PDK3: variants seen among roughly 807,000 people sequenced by gnomAD.
PDK3 encodes pyruvate dehydrogenase kinase 3.
Under a neutral mutation model 32.0 loss-of-function variants are expected in PDK3, and 12 were observed. The ratio of observed to expected loss-of-function variants is 0.37; its 90% CI spans 0.24 to 0.61. PDK3 has a LOEUF of 0.61. Among genes scored for constraint, PDK3 ranks in the 20% least tolerant of loss-of-function variants. PDK3 has a pLI of 0.65. For synonymous variants in PDK3, 122 were observed against 116.3 expected, an observed-to-expected ratio of 1.05 and a Z score of -0.31; for missense variants, 188 against 316.9, an observed-to-expected ratio of 0.59 and a Z score of 3.09.
chrX:24,516,461 A>G (rs995671072), intron 5 of PDK3, among the ~76,000 whole-genome samples: 1 of 112,162 alleles, frequency 8.9e-6, no homozygotes, highest in East Asian at 2.8e-4. Flanking sequence ...CAGCTGATGA[A>G]CGGATAAAGA....
chrX:24,482,677 G>T (rs184821781), intron 1 of PDK3, among the ~76,000 whole-genome samples: 2 of 112,175 alleles, frequency 1.8e-5, no homozygotes, highest in Admixed American at 1.9e-4. Context: ...AGAACTATCA[G>T]ATTGATACCT....
intron 1 of PDK3, among the ~76,000 whole-genome samples, chrX:24,468,078 G>A (rs952861018): frequency 8.9e-6 from 1 of 111,912 alleles, no homozygotes. Context: ...AGAGTAACTA[G>A]ACAGGGACCA....
At chrX:24,526,657 T>A (rs1284453346) in intron 7 of PDK3, among the ~76,000 whole-genome samples, 1 of 112,240 alleles carries the variant, frequency 8.9e-6, no homozygotes, top group African/African-American at 3.2e-5. Flanking sequence ...TTCTGAAAAT[T>A]AACCACACTG....
At chrX:24,535,418 T>C (rs1486454082), downstream of PDK3, among the ~76,000 whole-genome samples, 3 of 106,954 alleles carry the variant, frequency 2.8e-5, no homozygotes, top group African/African-American at 1.0e-4. Context: ...AGCAGGAGAA[T>C]TGCTTGAACC....
intron 1 of PDK3, among the ~76,000 whole-genome samples, chrX:24,493,906 G>T (rs911375363): frequency 2.3e-4 from 26 of 112,049 alleles, no homozygotes; most frequent in Non-Finnish European, 4.7e-4. Flanking sequence ...AGGGCTGGGG[G>T]TTGCAGGCCA....
chrX:24,478,414 C>G lies in PDK3; in HGVS notation c.106+12853C>G, dbSNP rs928178584. 3.6e-5 allele frequency among the ~76,000 whole-genome samples: 4 copies of G among 112,022 alleles called. No homozygotes were observed. The Admixed American group carries it at 3.8e-4, about 11-fold the overall frequency. ...GGTGGAGGTTGCAGTGAGCCGAGAT[C>G]GTGCCACTGCACTCCAGCCTGGGTG... On this transcript the variant is annotated intron_variant, in intron 1 of 10. Coordinates refer to ENST00000379162, the MANE Select transcript of PDK3 (RefSeq NM_005391.5).
chrX:24,514,270 T>A, intron 5 of PDK3, among the ~76,000 whole-genome samples: 1 of 112,308 alleles, frequency 8.9e-6, no homozygotes, highest in Non-Finnish European at 1.9e-5. Context: ...AATTTTAGTC[T>A]AATGCATTTA....
At chrX:24,519,252 G>A (rs1244273351) in intron 6 of PDK3, among the ~76,000 whole-genome samples, 1 of 109,934 alleles carries the variant, frequency 9.1e-6, no homozygotes, top group African/African-American at 3.3e-5. Context: ...AGAGTATGTA[G>A]AAAGGTATAA....
At chrX:24,517,317 G>A (rs954116993) in intron 5 of PDK3, among the ~76,000 whole-genome samples, 1 of 110,451 alleles carries the variant, frequency 9.1e-6, no homozygotes, top group Non-Finnish European at 1.9e-5. Context: ...CCACCTCCTG[G>A]GTTCAAGCAA....
Position 24,533,979 on chromosome X carries a change from A to G in PDK3, c.1128A>G (p.Ala376=), listed in dbSNP as rs746656692. The change falls in exon 11 of 11, where the codon GCA becomes GCG. Residue 376 remains alanine (A), a synonymous_variant. Transcript: ENST00000379162. Reference sequence around the variant, plus strand: ...GACTTCCAGTTTTTAATAAGTCCGCATGGCGCCATTACAAGACCACGCCTG... The same window carrying G: ...GACTTCCAGTTTTTAATAAGTCCGCGTGGCGCCATTACAAGACCACGCCTG... ...FERLPVFNKS[A]WRHYKTTPEA... is the part of the protein sequence containing the mutation. The G allele has an allele frequency of 1.7e-6, 2 of 1,210,215 alleles. No homozygotes were observed. The highest frequency in any genetic ancestry group is 2.2e-6 in the Non-Finnish European group (2 of 894,471).
intron 1 of PDK3, among the ~76,000 whole-genome samples, chrX:24,467,513 A>G (rs931590399): frequency 2.7e-5 from 3 of 112,505 alleles, no homozygotes; most frequent in African/African-American, 6.5e-5. Context: ...AGTGCTAGAT[A>G]TAGTTGTAGT....
chrX:24,515,406 G>A (rs1431265176), intron 5 of PDK3, among the ~76,000 whole-genome samples: 1 of 112,370 alleles, frequency 8.9e-6, no homozygotes, highest in East Asian at 2.7e-4. Flanking sequence ...TAACAACGCT[G>A]TCATAATCAT....
At chrX:24,538,660 A>T (rs1161062383), downstream of PDK3, among the ~76,000 whole-genome samples, 1 of 110,923 alleles carries the variant, frequency 9.0e-6, no homozygotes, top group African/African-American at 3.3e-5. Context: ...GGTGCCTGTA[A>T]TCCCAGCTAC....
chrX:24,469,089 G>GT (rs937079433), intron 1 of PDK3, among the ~76,000 whole-genome samples: 1 of 111,849 alleles, frequency 8.9e-6, no homozygotes, highest in African/African-American at 3.3e-5. Context: ...TGAGAATTTG[G>GT]TTATATGAAT....
chrX:24,512,247 T>A (rs1382730018), intron 5 of PDK3, among the ~76,000 whole-genome samples: 1 of 112,306 alleles, frequency 8.9e-6, no homozygotes, highest in Admixed American at 9.5e-5. Context: ...AAAATCCTGC[T>A]GTAAGATCAT....
downstream of PDK3, among the ~76,000 whole-genome samples, chrX:24,535,226 T>C (rs1922744068): frequency 9.0e-6 from 1 of 111,731 alleles, no homozygotes; most frequent in Non-Finnish European, 1.9e-5. Flanking sequence ...AAACATTGGC[T>C]GGGCGCAGTG....
exon 12 of PDK3, among the ~76,000 whole-genome samples, chrX:24,544,519 C>G (rs1420730311): frequency 2.7e-5 from 3 of 112,030 alleles, no homozygotes; most frequent in Non-Finnish European, 5.6e-5. Flanking sequence ...CAGAGTGTGC[C>G]CAGCTTCTCC....
chrX:24,503,299 G>T, intron 3 of PDK3, 28 bp from the exon 4 acceptor site: 1 of 1,151,595 alleles, frequency 8.7e-7, no homozygotes, highest in South Asian at 2.0e-5. Context: ...TATTAAGACT[G>T]ACCACGTTTT....
At chrX:24,527,036 C>T (rs1459134528) in intron 7 of PDK3, among the ~76,000 whole-genome samples, 1 of 112,199 alleles carries the variant, frequency 8.9e-6, no homozygotes, top group African/African-American at 3.2e-5. Context: ...CAATTGTGAA[C>T]TTTCTCTTCA....
Sources: gnomAD v4.1 joint callset for allele counts (sites outside exome capture counted in the v4.1 genomes callset) on GRCh38, gnomAD v4.1.1 for gene constraint, MANE v1.5 for transcripts, NCBI Gene and HGNC (gene_info 2026-07-23, HGNC 2026-07-21) for gene names.